Variants in SYNPR observed in about 807,000 individuals in gnomAD.
The protein encoded by SYNPR is synaptoporin.
SYNPR carries 23 observed loss-of-function variants against 32.9 expected under a neutral mutation model. That is an observed-to-expected ratio of 0.70 (90% CI 0.50 to 0.99). The LOEUF is 0.99. Among genes scored for constraint, SYNPR ranks in the 50% least tolerant of loss-of-function variants. The pLI, the probability that SYNPR is intolerant of heterozygous loss-of-function variation, is 0.00. For synonymous variants in SYNPR, 146 were observed against 135.9 expected (o/e 1.07, Z -0.52); for missense variants, 318 against 349.3 (o/e 0.91, Z 0.71).
At chr3:63,303,154 A>G (rs1168450656) in intron 2 of SYNPR, among the ~76,000 whole-genome samples, 4 of 151,944 alleles carry the variant, frequency 2.6e-5, no homozygotes, top group Admixed American at 2.6e-4. Flanking sequence ...CTTTGGAAAT[A>G]TTCTACCTGG....
At chr3:63,607,987 C>G (rs1700147668) in intron 4 of SYNPR, among the ~76,000 whole-genome samples, 1 of 152,152 alleles carries the variant, frequency 6.6e-6, no homozygotes, top group African/African-American at 2.4e-5. Context: ...AACAAAAGGG[C>G]AAACTGTTTC....
rs144016217 is a variant in SYNPR at position 63,320,985 on chromosome 3, A to G, written c.84+42243A>G. Among the ~76,000 whole-genome samples the G allele has an allele frequency of 2.9e-3, 445 of 152,196 alleles. 7 individuals carry two copies. The highest frequency in any genetic ancestry group is 0.027 in the Admixed American group (417 of 15,274). The stretch of plus-strand genomic sequence containing the variant: ...ATTTTTGAAAGCCAGAAGCCTTAAC[A>G]GTGCTAGAAAATATGTATTCCAGAA... On this transcript the variant is annotated intron_variant, in intron 2 of 5. Coordinates refer to ENST00000478300, the MANE Select transcript of SYNPR (RefSeq NM_001130003.2).
At chr3:63,550,489 T>A (rs1289988917) in intron 3 of SYNPR, among the ~76,000 whole-genome samples, 1 of 87,900 alleles carries the variant, frequency 1.1e-5, no homozygotes, top group East Asian at 2.2e-4. Context: ...CTTTTAGTAA[T>A]TTTTTTTGTC....
intron 1 of SYNPR, among the ~76,000 whole-genome samples, chr3:63,238,246 G>A (rs1459526762): frequency 6.6e-6 from 1 of 152,066 alleles, no homozygotes; most frequent in Non-Finnish European, 1.5e-5. Context: ...GTTGTGCACA[G>A]TTGGAGAGGA....
intron 2 of SYNPR, among the ~76,000 whole-genome samples, chr3:63,342,336 G>A (rs2087380886): frequency 6.6e-6 from 1 of 152,098 alleles, no homozygotes; most frequent in Non-Finnish European, 1.5e-5. Flanking sequence ...AATCATTACT[G>A]GATTTTGTCT....
intron 2 of SYNPR, among the ~76,000 whole-genome samples, chr3:63,281,211 C>T (rs747307947): frequency 3.3e-5 from 5 of 152,100 alleles, no homozygotes; most frequent in Admixed American, 6.5e-5. Flanking sequence ...TTTCATAGCG[C>T]TTGGTTAAAC....
intron 2 of SYNPR, among the ~76,000 whole-genome samples, chr3:63,375,685 G>A (rs181755389): frequency 1.2e-4 from 19 of 152,072 alleles, no homozygotes; most frequent in African/African-American, 3.1e-4. Flanking sequence ...AAACCTGCAC[G>A]TTGTGCATAT....
At chr3:63,443,526 A>G (rs1700219514) in intron 2 of SYNPR, 28 of 1,562,964 alleles carry the variant, frequency 1.8e-5, no homozygotes, top group South Asian at 1.7e-4. Flanking sequence ...GTGTGCATGT[A>G]TGTGTCTCCA....
At chr3:63,322,154 G>T (rs116398837) in intron 2 of SYNPR, among the ~76,000 whole-genome samples, 2,804 of 152,036 alleles carry the variant, frequency 0.018, 84 homozygotes, top group African/African-American at 0.065. Context: ...ACTGATGGAG[G>T]GTGTGCAGCA....
upstream of SYNPR, among the ~76,000 whole-genome samples, chr3:63,226,802 G>T (rs533358034): frequency 3.3e-5 from 5 of 151,962 alleles, no homozygotes; most frequent in Admixed American, 2.0e-4. Context: ...AGCAGACAAG[G>T]GTAACTATAG....
At chr3:63,229,203 C>A (rs2086150470) in intron 1 of SYNPR, among the ~76,000 whole-genome samples, 1 of 152,106 alleles carries the variant, frequency 6.6e-6, no homozygotes, top group South Asian at 2.1e-4. Context: ...TAGAGATATT[C>A]ATACTTAATT....
intron 2 of SYNPR, among the ~76,000 whole-genome samples, chr3:63,329,437 A>C (rs1362449697): frequency 6.6e-6 from 1 of 152,166 alleles, no homozygotes; most frequent in Admixed American, 6.6e-5. Context: ...CCAACCTGCA[A>C]TGCAAACCCT....
intron 3 of SYNPR, among the ~76,000 whole-genome samples, chr3:63,495,493 C>T (rs978931301): frequency 1.3e-5 from 2 of 152,164 alleles, no homozygotes; most frequent in African/African-American, 2.4e-5. Context: ...GGGGCTTCTT[C>T]CAAGGTATGC....
At chr3:63,252,183 T>A (rs1352771971) in intron 1 of SYNPR, among the ~76,000 whole-genome samples, 1 of 152,164 alleles carries the variant, frequency 6.6e-6, no homozygotes, top group Admixed American at 6.5e-5. Context: ...AAAAATGCTA[T>A]GTGTTCTAAA....
intron 2 of SYNPR, among the ~76,000 whole-genome samples, chr3:63,376,183 G>A (rs573218243): frequency 6.6e-6 from 1 of 152,274 alleles, no homozygotes; most frequent in South Asian, 2.1e-4. Flanking sequence ...GAAGGTTCCT[G>A]CTACAATCTT....
At chr3:63,384,800 C>T (rs954800291) in intron 2 of SYNPR, among the ~76,000 whole-genome samples, 1 of 152,122 alleles carries the variant, frequency 6.6e-6, no homozygotes, top group African/African-American at 2.4e-5. Flanking sequence ...TTTATTTCCT[C>T]CTCTTTTAAA....
At chr3:63,211,387 A>G in the SYNPR span, among the ~76,000 whole-genome samples, 28 of 152,214 alleles carry the variant, frequency 1.8e-4, no homozygotes, top group East Asian at 4.5e-3. Context: ...TTTACTTCAA[A>G]TTTTTCTTCA....
chr3:63,574,462 G>A (rs1254457860), intron 4 of SYNPR, among the ~76,000 whole-genome samples: 2 of 152,156 alleles, frequency 1.3e-5, no homozygotes, highest in African/African-American at 4.8e-5. Flanking sequence ...AAGAGAATGA[G>A]TAATTCTCAG....
chr3:63,429,970 G>T (rs1340679311), intron 2 of SYNPR, among the ~76,000 whole-genome samples: 2 of 152,220 alleles, frequency 1.3e-5, no homozygotes, highest in African/African-American at 4.8e-5. Context: ...TCTAGGTAAG[G>T]ACCAGGGAGC....
Sources: allele counts gnomAD v4.1 joint callset (sites outside exome capture counted in the v4.1 genomes callset), GRCh38; gene constraint gnomAD v4.1.1; transcripts MANE v1.5; gene names NCBI Gene and HGNC (gene_info 2026-07-23, HGNC 2026-07-21).